The following TMC7 variants were observed in gnomAD, a reference collection of about 807,000 sequenced individuals.
The protein encoded by TMC7 is transmembrane channel like 7.
A neutral mutation model predicts 82.9 loss-of-function variants in TMC7; 54 were observed. That is an observed-to-expected ratio of 0.65 (90% CI 0.52 to 0.82). TMC7 has a LOEUF of 0.82. Among genes scored for constraint, TMC7 ranks in the 40% least tolerant of loss-of-function variants. TMC7 has a pLI of 0.00. For synonymous variants in TMC7, 350 were observed against 337.9 expected, an observed-to-expected ratio of 1.04 and a Z score of -0.39; for missense variants, 820 against 901.2, an observed-to-expected ratio of 0.91 and a Z score of 1.15.
chr16:19,045,832 G>T (rs193127389), intron 11 of TMC7, among the ~76,000 whole-genome samples: 42 of 152,058 alleles, frequency 2.8e-4, no homozygotes, highest in African/African-American at 9.6e-4. Flanking sequence ...TCCTGACCTC[G>T]TGATCCACCT....
In TMC7 at chr16:18,989,267, A is replaced by G. The variant is rs866951779; in HGVS notation, c.67+5137A>G. ...GTCTGGACAGAGCTGAAGATTGCAC[A>G]GGCCATTTGCAGGCTGGATTCGTTC... On this transcript the variant is annotated intron_variant, in intron 1 of 15. Transcript: ENST00000304381. Among the ~76,000 whole-genome samples the G allele has an allele frequency of 3.3e-5, 5 of 152,212 alleles. No homozygotes were observed. The South Asian group carries it at 6.2e-4, about 19-fold the overall frequency.
At position 19,045,699 on chromosome 16, in the gene TMC7, C is replaced by T. The variant is rs564644849; in HGVS notation, c.1553+261C>T. ...GCAACCTCCGCCTCCCAGGTTCAAGCGATTCTCCTGCCTCAGCCTCCCGAG... is the reference window on the plus strand; with the variant it reads ...GCAACCTCCGCCTCCCAGGTTCAAGTGATTCTCCTGCCTCAGCCTCCCGAG... On this transcript the variant is annotated intron_variant, in intron 11 of 15. Coordinates refer to ENST00000304381, the MANE Select transcript of TMC7 (RefSeq NM_024847.4). Among the ~76,000 whole-genome samples, 34 of 148,280 alleles carry T rather than the reference C, an allele frequency of 2.3e-4. No homozygotes were observed. The South Asian group carries it at 6.1e-3, about 27-fold the overall frequency.
intron 9 of TMC7, among the ~76,000 whole-genome samples, chr16:19,044,429 C>T (rs545322368): frequency 6.6e-5 from 10 of 151,050 alleles, no homozygotes; most frequent in Admixed American, 4.6e-4. Flanking sequence ...TAAGGGCTCA[C>T]GTGATCCTCT....
chr16:19,018,636 T>C (rs1211458446), intron 3 of TMC7, among the ~76,000 whole-genome samples: 1 of 152,070 alleles, frequency 6.6e-6, no homozygotes, highest in Non-Finnish European at 1.5e-5. Flanking sequence ...AATGGGAAGT[T>C]GTGCCAAAAT....
chr16:19,028,269 C>G (rs1464911616), intron 5 of TMC7, among the ~76,000 whole-genome samples: 1 of 152,038 alleles, frequency 6.6e-6, no homozygotes, highest in African/African-American at 2.4e-5. Flanking sequence ...CACAGTGGCT[C>G]AAAACCTGTA....
At chr16:19,039,226 G>A (rs1334545818) in intron 8 of TMC7, among the ~76,000 whole-genome samples, 1 of 151,900 alleles carries the variant, frequency 6.6e-6, no homozygotes, top group Non-Finnish European at 1.5e-5. Context: ...GAGTAGCTGG[G>A]ATTACAGGCA....
intron 3 of TMC7, 36 bp from the exon 4 acceptor site, chr16:19,021,593 T>A: frequency 6.2e-7 from 1 of 1,610,998 alleles, no homozygotes; most frequent in Non-Finnish European, 8.5e-7. Flanking sequence ...TGTATCAATA[T>A]CCCTGGTCAG....
intron 8 of TMC7, among the ~76,000 whole-genome samples, 160 bp from the exon 9 acceptor site, chr16:19,040,115 CAAAAAAAAAAAAAA>C (rs55719597): frequency 4.5e-5 from 3 of 67,086 alleles, no homozygotes; most frequent in African/African-American, 1.9e-4. Flanking sequence ...GACTCCATCT[CAAAAAAAAAAAAAA>C]AAAAAAAAAG....
chr16:19,017,242 A>G (rs34531357), intron 3 of TMC7, among the ~76,000 whole-genome samples: 45,892 of 151,768 alleles, frequency 0.3, 7,190 homozygotes, highest in Non-Finnish European at 0.33. Flanking sequence ...TATCACACAT[A>G]TTTTTAAAAT....
At chr16:19,008,104 TA>T (rs2039273492) in intron 1 of TMC7, among the ~76,000 whole-genome samples, 1 of 152,172 alleles carries the variant, frequency 6.6e-6, no homozygotes, top group Admixed American at 6.5e-5. Flanking sequence ...CTTTGCTGCA[TA>T]GGGGTAATTG....
chr16:19,049,740 C>G lies in TMC7; in HGVS notation c.1741-1946C>G, dbSNP rs1053568413. 7 of 812,250 alleles carry G rather than the reference C, an allele frequency of 8.6e-6. No homozygotes were observed. In the Admixed American group the frequency reaches 3.1e-4, roughly 36 times the overall value. 50.3% of individuals were successfully genotyped at this position (812,250 alleles called of 1,614,324 possible). ...ACCAGGCATGTCCCGCCGGCTGCCC[C>G]GAGGCTGGGCACCAAGTATCTTCGG... On this transcript the variant is annotated intron_variant, in intron 12 of 15. Coordinates refer to ENST00000304381, the MANE Select transcript of TMC7 (RefSeq NM_024847.4).
intron 7 of TMC7, among the ~76,000 whole-genome samples, chr16:19,036,096 C>T (rs1283207988): frequency 6.6e-6 from 1 of 152,098 alleles, no homozygotes; most frequent in African/African-American, 2.4e-5. Context: ...TTCCCCACAC[C>T]CTGCTACTTT....
At position 19,047,172 on chromosome 16, in the gene TMC7, T is replaced by C; in HGVS notation, c.1663T>C (p.Trp555Arg). The change falls in exon 12 of 16, where the codon TGG becomes CGG. Residue 555 changes from tryptophan to arginine, a missense_variant. Physicochemically the swap from Trp to Arg is moderately radical, Grantham distance 101. Coordinates refer to ENST00000304381, the MANE Select transcript of TMC7 (RefSeq NM_024847.4). Reference sequence around the variant, plus strand: ...GATAGTTTACGGGCAAACCATCTGCTGGATCGGAGCCTTTTTCTCACCCCT... The same window carrying C: ...GATAGTTTACGGGCAAACCATCTGCCGGATCGGAGCCTTTTTCTCACCCCT... ...LGIVYGQTIC[W>R]IGAFFSPLLP... 1 of 1,614,056 alleles carries C rather than the reference T, an allele frequency of 6.2e-7. No individual in the cohort carries two copies.
At position 19,009,174 on chromosome 16, in the gene TMC7, A is replaced by G; in HGVS notation, c.70A>G (p.Asn24Asp). 6.2e-7 allele frequency: 1 copy of G among 1,613,138 alleles called. No individual in the cohort carries two copies. The highest frequency in any genetic ancestry group is 8.5e-7 in the Non-Finnish European group (1 of 1,179,480). Residue 24 changes from asparagine (N) to aspartate (D), a missense_variant and splice_region_variant, in exon 2 of 16, where the codon AAC becomes GAC. Physicochemically the swap from Asn to Asp is conservative, Grantham distance 23. Transcript: ENST00000304381. ...TGACTTTCTTTTCTTTTACATAGAG[A>G]ACCTCTCTCTAGACTCCAGTTGCTT... is the stretch of plus-strand genomic sequence containing the variant. ...PSRQPAVHPENLSLDSSCFSS... is the reference protein window; with the variant it reads ...PSRQPAVHPEDLSLDSSCFSS...
rs540946145 is a variant in TMC7, at chr16:18,989,008, A to G, written c.67+4878A>G. On this transcript the variant is annotated intron_variant, in intron 1 of 15. Transcript: ENST00000304381. Reference sequence around the variant, plus strand: ...AGGTTGCTTGCAGTGAGCCAAGATCATACCATTGCACTCCAGCCTGGGCAA... The same window carrying G: ...AGGTTGCTTGCAGTGAGCCAAGATCGTACCATTGCACTCCAGCCTGGGCAA... Among the ~76,000 whole-genome samples the G allele has an allele frequency of 1.5e-4, 23 of 151,738 alleles. No individual in the cohort carries two copies. The East Asian group carries it at 2.3e-3, about 15-fold the overall frequency.
chr16:19,017,928 C>A (rs1959783112), intron 3 of TMC7, among the ~76,000 whole-genome samples: 1 of 152,176 alleles, frequency 6.6e-6, no homozygotes, highest in Admixed American at 6.5e-5. Context: ...TCTCGGCCTC[C>A]CAAAGTGCTG....
At chr16:19,007,655 G>T (rs1325566368) in intron 1 of TMC7, among the ~76,000 whole-genome samples, 1 of 151,510 alleles carries the variant, frequency 6.6e-6, no homozygotes, top group Non-Finnish European at 1.5e-5. Flanking sequence ...GGGTGACAGA[G>T]CGAGACTCCG....
chr16:19,035,938 C>A, intron 7 of TMC7, 115 bp downstream of exon 7: 1 of 1,213,718 alleles, frequency 8.2e-7, no homozygotes, highest in Non-Finnish European at 1.1e-6. Flanking sequence ...GTCCCTGGTA[C>A]TTAGCAAGTT....
chr16:19,016,738 G>A lies in TMC7; in HGVS notation c.460+140G>A, dbSNP rs146135615. ...AATGTGAGCAACAAACCACAGCAAG[G>A]TTTAGCAGAACCTGTGACTTTGTCA... On this transcript the variant is annotated intron_variant, in intron 3 of 15. Transcript: ENST00000304381. The A allele has an allele frequency of 1.4e-5, 13 of 927,582 alleles. No homozygotes were observed. In the African/African-American group the frequency reaches 2.0e-4, roughly 14 times the overall value. 57.5% of individuals were successfully genotyped at this position (927,582 alleles called of 1,614,324 possible).
Sources: gnomAD v4.1 joint callset for allele counts (sites outside exome capture counted in the v4.1 genomes callset) on GRCh38, gnomAD v4.1.1 for gene constraint, MANE v1.5 for transcripts, NCBI Gene and HGNC (gene_info 2026-07-23, HGNC 2026-07-21) for gene names.